Variants in RFX3 observed in about 807,000 individuals in gnomAD.
The protein encoded by RFX3 is transcription factor RFX3.
A neutral mutation model predicts 98.6 loss-of-function variants in RFX3; 14 were observed. The ratio of observed to expected loss-of-function variants is 0.14; its 90% CI spans 0.09 to 0.22. RFX3 has a LOEUF of 0.22. RFX3 is among the 10% of genes least tolerant of loss of function. The pLI is 1.00. For missense variants in RFX3, 639 were observed against 926.9 expected (o/e 0.69, Z 4.03); for synonymous variants, 383 against 328.4 (o/e 1.17, Z -1.80).
intron 15 of RFX3, among the ~76,000 whole-genome samples, chr9:3,235,695 T>C (rs537077465): frequency 1.8e-4 from 27 of 152,316 alleles, no homozygotes; most frequent in Non-Finnish European, 2.9e-4. Context: ...AAGCCAGTGA[T>C]GTCAGGTTGA....
intron 1 of RFX3, among the ~76,000 whole-genome samples, chr9:3,506,795 C>G (rs555387049): frequency 6.6e-6 from 1 of 151,920 alleles, no homozygotes; most frequent in East Asian, 1.9e-4. Context: ...GCCCAATCCA[C>G]TGCCAGCTAC....
intron 3 of RFX3, among the ~76,000 whole-genome samples, chr9:3,339,589 T>G (rs1297774169): frequency 6.6e-6 from 1 of 152,202 alleles, no homozygotes; most frequent in Non-Finnish European, 1.5e-5. Context: ...AATCTTTAAT[T>G]CATTCAACAA....
intron 2 of RFX3, among the ~76,000 whole-genome samples, chr9:3,349,083 G>A (rs1260122279): frequency 4.6e-5 from 7 of 151,850 alleles, no homozygotes; most frequent in Admixed American, 1.3e-4. Flanking sequence ...TTTTTTGAAG[G>A]ATAAAAATAC....
chr9:3,495,571 T>A (rs905883755), intron 1 of RFX3, among the ~76,000 whole-genome samples: 6 of 152,114 alleles, frequency 3.9e-5, no homozygotes, highest in African/African-American at 1.4e-4. Context: ...ACTTAAAATG[T>A]GCAGAACAAT....
intron 16 of RFX3, 117 bp from the exon 17 acceptor site, chr9:3,225,397 C>G: frequency 7.0e-7 from 1 of 1,433,396 alleles, no homozygotes; most frequent in East Asian, 2.4e-5. Flanking sequence ...CTTAGCTCTT[C>G]TCAGGAAACA....
At chr9:3,405,503 A>T (rs1251503424) in intron 1 of RFX3, among the ~76,000 whole-genome samples, 1 of 152,130 alleles carries the variant, frequency 6.6e-6, no homozygotes, top group Non-Finnish European at 1.5e-5. Context: ...CTTTTCTATT[A>T]AACTTTCTGC....
At chr9:3,484,907 G>C (rs1325184217) in intron 1 of RFX3, among the ~76,000 whole-genome samples, 2 of 150,306 alleles carry the variant, frequency 1.3e-5, no homozygotes, top group East Asian at 3.9e-4. Context: ...AACATAGGGA[G>C]ACACCCCCCC....
intron 2 of RFX3, 151 bp downstream of exon 2, chr9:3,395,321 G>T: frequency 1.2e-6 from 1 of 824,078 alleles, no homozygotes; most frequent in Non-Finnish European, 1.9e-6. Context: ...TCCAAGAAAT[G>T]CTCAAGAAAC....
chr9:3,276,050 C>G (rs1191466592), intron 8 of RFX3, among the ~76,000 whole-genome samples: 1 of 152,030 alleles, frequency 6.6e-6, no homozygotes, highest in Non-Finnish European at 1.5e-5. Context: ...AAAGCAGATA[C>G]AAAGAAAACT....
chr9:3,300,100 A>AC (rs1370037766), intron 5 of RFX3, among the ~76,000 whole-genome samples: 4 of 151,226 alleles, frequency 2.6e-5, no homozygotes, highest in Non-Finnish European at 5.9e-5. Context: ...GTTAATCATC[A>AC]CCCCCCGGAC....
At chr9:3,510,810 T>C (rs1427901882) in intron 1 of RFX3, among the ~76,000 whole-genome samples, 1 of 152,056 alleles carries the variant, frequency 6.6e-6, no homozygotes, top group African/African-American at 2.4e-5. Flanking sequence ...CATTAAACTT[T>C]ATACTGGTGT....
chr9:3,270,353 C>A lies in RFX3; in HGVS notation c.1357+18G>T. The stretch of plus-strand genomic sequence containing the variant: ...GTATGAGAACAAAAGCATCCGTACT[C>A]GTCTGCATTTAACTTACTAGGAATA... On this transcript the variant is annotated intron_variant, in intron 11 of 16. Transcript: ENST00000617270. 6.2e-7 allele frequency: 1 copy of A among 1,606,278 alleles called. No homozygotes were observed. The highest frequency in any genetic ancestry group is 8.5e-7 in the Non-Finnish European group (1 of 1,176,924).
chr9:3,241,024 T>C (rs1287448970), intron 15 of RFX3, among the ~76,000 whole-genome samples: 4 of 152,268 alleles, frequency 2.6e-5, no homozygotes, highest in African/African-American at 9.6e-5. Flanking sequence ...TTTCCTGATG[T>C]CTACAGTGAC....
At chr9:3,384,116 G>A (rs1839465903) in intron 2 of RFX3, among the ~76,000 whole-genome samples, 2 of 152,062 alleles carry the variant, frequency 1.3e-5, no homozygotes, top group Admixed American at 6.6e-5. Context: ...TTCCACAAAG[G>A]CATGTAAAGA....
chr9:3,272,395 G>A (rs1824614457), intron 9 of RFX3, among the ~76,000 whole-genome samples: 1 of 152,202 alleles, frequency 6.6e-6, no homozygotes, highest in Non-Finnish European at 1.5e-5. Flanking sequence ...TGGGCCACCT[G>A]TATAGAGCTG....
chr9:3,429,062 T>G lies in RFX3; in HGVS notation c.-8-33466A>C, dbSNP rs553135507. Among the ~76,000 whole-genome samples, 419 of 150,130 alleles carry G rather than the reference T, an allele frequency of 2.8e-3. 1 individual carries two copies. Among genetic ancestry groups the G allele is most frequent in the Admixed American group, 6.4e-3 (97 of 15,074 alleles). On this transcript the variant is annotated intron_variant, in intron 1 of 16. Transcript: ENST00000617270. ...TTTTGAGACGGAGTCTCGCTGTGTCTCCCAGGCTGGAGTGCGGTGGCGCGA... is the reference window on the plus strand; with the variant it reads ...TTTTGAGACGGAGTCTCGCTGTGTCGCCCAGGCTGGAGTGCGGTGGCGCGA...
intron 14 of RFX3, among the ~76,000 whole-genome samples, chr9:3,255,102 G>T (rs936730441): frequency 6.6e-6 from 1 of 152,170 alleles, no homozygotes; most frequent in Admixed American, 6.5e-5. Flanking sequence ...AGGACGTAAG[G>T]ATAATTTAAC....
chr9:3,238,255 C>G (rs560854347), intron 15 of RFX3, among the ~76,000 whole-genome samples: 1 of 152,248 alleles, frequency 6.6e-6, no homozygotes, highest in East Asian at 1.9e-4. Context: ...GAAGCACAGT[C>G]TAAGAATGGA....
chr9:3,289,407 GTCT>G (rs1313939792), intron 6 of RFX3, among the ~76,000 whole-genome samples: 2 of 151,996 alleles, frequency 1.3e-5, no homozygotes, highest in Admixed American at 6.6e-5. Flanking sequence ...GTAAAGAAAG[GTCT>G]TCTACTTGCA....
Sources: gnomAD v4.1 joint callset for allele counts (sites outside exome capture counted in the v4.1 genomes callset) on GRCh38, gnomAD v4.1.1 for gene constraint, MANE v1.5 for transcripts, NCBI Gene and HGNC (gene_info 2026-07-23, HGNC 2026-07-21) for gene names.